Variants in UBASH3B observed in about 807,000 individuals in gnomAD.
The protein encoded by UBASH3B is ubiquitin-associated and SH3 domain-containing protein B.
A neutral mutation model predicts 83.4 loss-of-function variants in UBASH3B; 37 were observed. That is an observed-to-expected ratio of 0.44 (90% CI 0.34 to 0.58). UBASH3B has a LOEUF of 0.58. Among genes scored for constraint, UBASH3B ranks in the 20% least tolerant of loss-of-function variants. The pLI, the probability that UBASH3B is intolerant of heterozygous loss-of-function variation, is 0.01. For synonymous variants in UBASH3B, 304 were observed against 318.3 expected (o/e 0.96, Z 0.48); for missense variants, 657 against 827.2 (o/e 0.79, Z 2.52).
At chr11:122,750,903 G>A (rs1340292094) in intron 1 of UBASH3B, among the ~76,000 whole-genome samples, 1 of 152,222 alleles carries the variant, frequency 6.6e-6, no homozygotes, top group African/African-American at 2.4e-5. Context: ...AACATGCCTT[G>A]AGATCCTTGA....
At chr11:122,692,856 T>C (rs1863912922) in intron 1 of UBASH3B, among the ~76,000 whole-genome samples, 1 of 152,210 alleles carries the variant, frequency 6.6e-6, no homozygotes, top group African/African-American at 2.4e-5. Flanking sequence ...TTTGTGATTA[T>C]AGTGTGATAA....
chr11:122,727,339 C>G (rs952298797), intron 1 of UBASH3B, among the ~76,000 whole-genome samples: 5 of 152,206 alleles, frequency 3.3e-5, no homozygotes, highest in African/African-American at 9.7e-5. Context: ...TTGCAAACTC[C>G]TGGTCATAAA....
At chr11:122,748,318 C>A (rs1372287577) in intron 1 of UBASH3B, among the ~76,000 whole-genome samples, 2 of 152,172 alleles carry the variant, frequency 1.3e-5, no homozygotes, top group Non-Finnish European at 2.9e-5. Context: ...TCAACATTCA[C>A]AAAAGCAGAG....
chr11:122,679,009 T>C (rs1417935955), intron 1 of UBASH3B, among the ~76,000 whole-genome samples: 2 of 152,162 alleles, frequency 1.3e-5, no homozygotes, highest in Admixed American at 6.5e-5. Flanking sequence ...CGTAGTGTCA[T>C]AACCATGTAA....
chr11:122,679,107 A>T (rs1591765245), intron 1 of UBASH3B, among the ~76,000 whole-genome samples: 1 of 152,350 alleles, frequency 6.6e-6, no homozygotes, highest in Non-Finnish European at 1.5e-5. Context: ...AGGATCCAGG[A>T]AGGATCCACT....
At chr11:122,663,250 T>C (rs1177913915) in intron 1 of UBASH3B, among the ~76,000 whole-genome samples, 1 of 152,220 alleles carries the variant, frequency 6.6e-6, no homozygotes, top group Admixed American at 6.5e-5. Flanking sequence ...GTGCTGGGAT[T>C]ACAGGCATAA....
At position 122,758,895 on chromosome 11, in the gene UBASH3B, T is replaced by C. The variant is rs1861325608; in HGVS notation, c.162-17324T>C. Among the ~76,000 whole-genome samples the C allele has an allele frequency of 1.3e-5, 2 of 152,238 alleles. No individual in the cohort carries two copies. The highest frequency in any genetic ancestry group is 4.1e-4 in the South Asian group (2 of 4,834). ...CTGAGCTTGGTCATACCAGGTCATT[T>C]CAGCCAATGCTCACTCTTCCTTTCC... On this transcript the variant is annotated intron_variant, in intron 1 of 13. Coordinates refer to ENST00000284273, the MANE Select transcript of UBASH3B (RefSeq NM_032873.5). This position sits in a 1 kb window ranked among gnomAD's most constrained non-coding sequence, Gnocchi z 4.2.
At chr11:122,796,052 T>G in intron 7 of UBASH3B, 104 bp from the exon 8 acceptor site, 1 of 1,487,652 alleles carries the variant, frequency 6.7e-7, no homozygotes, top group Middle Eastern at 1.9e-4. Flanking sequence ...AAGTCATACC[T>G]TGGCAGAACT....
intron 1 of UBASH3B, among the ~76,000 whole-genome samples, chr11:122,744,898 T>TGTGTGTGTGTGTGTGC (rs1293701124): frequency 3.7e-5 from 4 of 107,926 alleles, no homozygotes; most frequent in African/African-American, 8.7e-5. Context: ...TGTGTGTGTG[T>TGTGTGTGTGTGTGTGC]GCGCGCGCGC....
At chr11:122,701,847 ATGTT>A (rs373998826) in intron 1 of UBASH3B, among the ~76,000 whole-genome samples, 6 of 151,866 alleles carry the variant, frequency 4.0e-5, no homozygotes, top group African/African-American at 7.3e-5. Context: ...TCGTACTGCC[ATGTT>A]TGTTTGTTTG....
intron 1 of UBASH3B, among the ~76,000 whole-genome samples, chr11:122,682,039 T>C (rs1050640150): frequency 4.6e-5 from 7 of 152,078 alleles, no homozygotes; most frequent in Non-Finnish European, 1.0e-4. Context: ...CTCCCTGCCT[T>C]GTCAAAAAAG....
chr11:122,809,446 C>T (rs568406807), intron 13 of UBASH3B, among the ~76,000 whole-genome samples: 35 of 152,228 alleles, frequency 2.3e-4, no homozygotes, highest in East Asian at 1.2e-3. Context: ...GTATTTTGGT[C>T]CTCTTTTTCT....
chr11:122,725,248 G>A (rs891391862), intron 1 of UBASH3B, among the ~76,000 whole-genome samples: 2 of 149,648 alleles, frequency 1.3e-5, no homozygotes, highest in African/African-American at 4.9e-5. Flanking sequence ...GGGATTACAG[G>A]TGTGAGCCAC....
chr11:122,703,991 A>G (rs1358305432), intron 1 of UBASH3B, among the ~76,000 whole-genome samples: 1 of 152,228 alleles, frequency 6.6e-6, no homozygotes, highest in Non-Finnish European at 1.5e-5. Flanking sequence ...CCAAGGTGCT[A>G]ATAGTCAAGA....
intron 1 of UBASH3B, among the ~76,000 whole-genome samples, chr11:122,705,409 G>A (rs1389986537): frequency 6.7e-6 from 1 of 149,084 alleles, no homozygotes. Context: ...TCGCACCACT[G>A]CCCTCCAGCC....
intron 1 of UBASH3B, among the ~76,000 whole-genome samples, chr11:122,718,171 C>T (rs560361698): frequency 5.3e-5 from 8 of 152,256 alleles, no homozygotes; most frequent in East Asian, 1.9e-4. Flanking sequence ...GTGATCCTCC[C>T]GCCTTGGCCT....
intron 1 of UBASH3B, among the ~76,000 whole-genome samples, chr11:122,675,784 A>C (rs1565525284): frequency 6.6e-6 from 1 of 152,180 alleles, no homozygotes; most frequent in Non-Finnish European, 1.5e-5. Flanking sequence ...ACAAGGAGGC[A>C]CCTGCTGAAG....
chr11:122,708,908 C>T (rs899646403), intron 1 of UBASH3B, among the ~76,000 whole-genome samples: 6 of 152,088 alleles, frequency 3.9e-5, no homozygotes, highest in Non-Finnish European at 8.8e-5. Context: ...TGGTCATTTC[C>T]CATCACCTTC....
intron 1 of UBASH3B, among the ~76,000 whole-genome samples, chr11:122,716,260 C>A (rs943985109): frequency 6.6e-6 from 1 of 152,262 alleles, no homozygotes; most frequent in Non-Finnish European, 1.5e-5. Flanking sequence ...GCGGCCCCAG[C>A]CTCCTGAGCT....
Sources: gnomAD v4.1 joint callset for allele counts (sites outside exome capture counted in the v4.1 genomes callset) on GRCh38, gnomAD v4.1.1 for gene constraint, Gnocchi (gnomAD v3.1) non-coding constraint, MANE v1.5 for transcripts, NCBI Gene and HGNC (gene_info 2026-07-23, HGNC 2026-07-21) for gene names.